GALNT10: variants seen among roughly 807,000 people sequenced by gnomAD.
The protein encoded by GALNT10 is GalNAc transferase 10.
A neutral mutation model predicts 75.0 loss-of-function variants in GALNT10; 41 were observed. The observed-to-expected ratio is 0.55, with a 90% confidence interval of 0.43 to 0.71. The LOEUF (loss-of-function observed/expected upper bound fraction) is 0.71, where lower values mean the gene tolerates loss of function less well. Among genes scored for constraint, GALNT10 ranks in the 30% least tolerant of loss-of-function variants. The pLI, the probability that GALNT10 is intolerant of heterozygous loss-of-function variation, is 0.00. For synonymous variants in GALNT10, 302 were observed against 313.0 expected (o/e 0.96, Z 0.37); for missense variants, 727 against 818.5 (o/e 0.89, Z 1.36).
At chr5:154,399,266 T>C (rs531729378) in intron 7 of GALNT10, among the ~76,000 whole-genome samples, 1 of 152,272 alleles carries the variant, frequency 6.6e-6, no homozygotes, top group East Asian at 1.9e-4. Context: ...ACCTGGGCCA[T>C]GAGCAGAACC....
At chr5:154,395,563 C>G (rs1755998389) in intron 7 of GALNT10, among the ~76,000 whole-genome samples, 1 of 152,152 alleles carries the variant, frequency 6.6e-6, no homozygotes, top group African/African-American at 2.4e-5. Context: ...GCTGTGGTTG[C>G]AGGAAGACAA....
At chr5:154,245,253 G>A (rs1169852131) in intron 1 of GALNT10, among the ~76,000 whole-genome samples, 1 of 152,318 alleles carries the variant, frequency 6.6e-6, no homozygotes, top group Non-Finnish European at 1.5e-5. Context: ...AAGAGTCCAA[G>A]AGGTGGAGTC....
chr5:154,330,939 T>TGTGTGTGTGTGTGTGTGTG lies in GALNT10; in HGVS notation c.568+1201_568+1202insGTGTGTGTGTGTGTGTGTG, dbSNP rs1561663355. On this transcript the variant is annotated intron_variant, in intron 4 of 11. Coordinates refer to ENST00000297107, the MANE Select transcript of GALNT10 (RefSeq NM_198321.4). The stretch of plus-strand genomic sequence containing the variant: ...TGTGTGTGTGTGTGTGTGTGTGTGT[T>TGTGTGTGTGTGTGTGTGTG]TGTGTGTGTGTAGACATTTAACTCA... Among the ~76,000 whole-genome samples the TGTGTGTGTGTGTGTGTGTG allele has an allele frequency of 3.6e-4, 5 of 14,072 alleles. No individual in the cohort carries two copies. The East Asian group carries it at 0.019, about 53-fold the overall frequency. 9.2% of individuals were successfully genotyped at this position (14,072 alleles called of 152,430 possible).
intron 4 of GALNT10, among the ~76,000 whole-genome samples, chr5:154,370,218 T>G (rs1245828890): frequency 6.6e-6 from 1 of 152,212 alleles, no homozygotes; most frequent in Non-Finnish European, 1.5e-5. Flanking sequence ...TCAGATGAGA[T>G]GAAGGTTCGC....
At chr5:154,248,238 T>C (rs1372151477) in intron 1 of GALNT10, among the ~76,000 whole-genome samples, 3 of 152,260 alleles carry the variant, frequency 2.0e-5, no homozygotes, top group South Asian at 2.1e-4. Flanking sequence ...GATTTTTGCA[T>C]TGATGTTCAT....
chr5:154,392,539 CTG>C (rs1158970480), intron 7 of GALNT10: 1 of 152,382 alleles, frequency 6.6e-6, no homozygotes, highest in East Asian at 1.9e-4. Flanking sequence ...ATACCCCAGA[CTG>C]TGCTGATACG....
rs114544470 is a variant in GALNT10 at position 154,418,535 on chromosome 5, A to G, written c.*1563A>G. Reference sequence around the variant, plus strand: ...GGAAATACTTGAAATCAGCATTCCAATTAGTGTTGAGTCTCTTGATTGTGT... The same window carrying G: ...GGAAATACTTGAAATCAGCATTCCAGTTAGTGTTGAGTCTCTTGATTGTGT... On this transcript the variant is annotated 3_prime_UTR_variant, in exon 12 of 12. Coordinates refer to ENST00000297107, the MANE Select transcript of GALNT10 (RefSeq NM_198321.4). The G allele has an allele frequency of 6.6e-6, 1 of 152,306 alleles. No homozygotes were observed. The highest frequency in any genetic ancestry group is 2.4e-5 in the African/African-American group (1 of 41,554). The allele number at this position is 152,306 out of a possible 1,614,324, so 9.4% of individuals were successfully genotyped here. A position where few individuals can be genotyped will look rare whatever the true frequency, so the allele number is the denominator to read the frequency against.
Position 154,415,830 on chromosome 5 carries a change from G to A in GALNT10, c.1551G>A (p.Gln517=). The A allele has an allele frequency of 6.2e-7, 1 of 1,614,160 alleles. No homozygotes were observed. Among genetic ancestry groups the A allele is most frequent in the Non-Finnish European group, 8.5e-7 (1 of 1,180,014 alleles). ...AGGACATCCGGCCTGGAGACCCCCA[G>A]CACACCAAGAAGTTCTGCTTTGATG... ...WREDIRPGDP[Q]HTKKFCFDAI... The change falls in exon 11 of 12, where the codon CAG becomes CAA. Residue 517 remains glutamine (Q), a synonymous_variant. Transcript: ENST00000297107.
At chr5:154,257,491 C>G (rs976849632) in intron 1 of GALNT10, among the ~76,000 whole-genome samples, 14 of 152,004 alleles carry the variant, frequency 9.2e-5, no homozygotes, top group Non-Finnish European at 1.6e-4. Context: ...TCAAAGTGGC[C>G]TAAGTGGAAA....
At chr5:154,254,285 T>C (rs181141054) in intron 1 of GALNT10, among the ~76,000 whole-genome samples, 35 of 152,296 alleles carry the variant, frequency 2.3e-4, no homozygotes, top group African/African-American at 8.4e-4. Context: ...TCTGTGGGGA[T>C]TCAGAGATAC....
intron 4 of GALNT10, among the ~76,000 whole-genome samples, chr5:154,333,268 G>T (rs2113122314): frequency 6.6e-6 from 1 of 152,310 alleles, no homozygotes; most frequent in Non-Finnish European, 1.5e-5. Context: ...TTAACCAGGA[G>T]CACACAGCCA....
chr5:154,232,805 G>T (rs754932606), intron 1 of GALNT10, among the ~76,000 whole-genome samples: 58 of 152,090 alleles, frequency 3.8e-4, no homozygotes, highest in Non-Finnish European at 6.0e-4. Context: ...GCTACAACTT[G>T]TTTTCATGCA....
At chr5:154,404,537 A>G (rs1011721080) in intron 8 of GALNT10, among the ~76,000 whole-genome samples, 1 of 151,666 alleles carries the variant, frequency 6.6e-6, no homozygotes, top group African/African-American at 2.4e-5. Context: ...AGAGGAGACG[A>G]TCTTAGGCAG....
At chr5:154,330,939 T>TG (rs1561663355) in intron 4 of GALNT10, among the ~76,000 whole-genome samples, 1 of 14,018 alleles carries the variant, frequency 7.1e-5, no homozygotes, top group African/African-American at 1.2e-4. Context: ...GTGTGTGTGT[T>TG]TGTGTGTGTG....
intron 3 of GALNT10, among the ~76,000 whole-genome samples, chr5:154,304,204 G>T (rs1296672638): frequency 6.6e-6 from 1 of 152,192 alleles, no homozygotes; most frequent in Non-Finnish European, 1.5e-5. Context: ...ATTAGGGTGT[G>T]TGTAAGGAAG....
intron 1 of GALNT10, among the ~76,000 whole-genome samples, chr5:154,238,460 A>G (rs2113666663): frequency 6.6e-6 from 1 of 152,312 alleles, no homozygotes; most frequent in East Asian, 1.9e-4. Context: ...TATTTCAGGC[A>G]GAAGTCTGTC....
At chr5:154,401,291 G>C (rs1756156620) in intron 7 of GALNT10, among the ~76,000 whole-genome samples, 1 of 152,202 alleles carries the variant, frequency 6.6e-6, no homozygotes, top group South Asian at 2.1e-4. Context: ...ATGAAGACAA[G>C]GAAGCTGGAT....
At chr5:154,227,367 C>A (rs1753078902) in intron 1 of GALNT10, among the ~76,000 whole-genome samples, 1 of 152,178 alleles carries the variant, frequency 6.6e-6, no homozygotes, top group African/African-American at 2.4e-5. Flanking sequence ...GTGGTGATAT[C>A]TTAACGTGGT....
chr5:154,222,086 C>T (rs1290960182), intron 1 of GALNT10, among the ~76,000 whole-genome samples: 1 of 152,132 alleles, frequency 6.6e-6, no homozygotes, highest in African/African-American at 2.4e-5. Context: ...CTTTCTATCA[C>T]CTCCAAAAGG....
Sources: allele counts gnomAD v4.1 joint callset (sites outside exome capture counted in the v4.1 genomes callset), GRCh38; gene constraint gnomAD v4.1.1; transcripts MANE v1.5; gene names NCBI Gene and HGNC (gene_info 2026-07-23, HGNC 2026-07-21).